Variants in COL19A1 observed in about 807,000 individuals in gnomAD.
COL19A1 encodes the protein collagen alpha-1(XIX) chain.
A neutral mutation model predicts 190.2 loss-of-function variants in COL19A1; 159 were observed. The ratio of observed to expected loss-of-function variants is 0.84; its 90% CI spans 0.73 to 0.95. The LOEUF is 0.95. Among genes scored for constraint, COL19A1 ranks in the 40% least tolerant of loss-of-function variants. The pLI is 0.00. For missense variants in COL19A1, 1,418 were observed against 1,431.9 expected (o/e 0.99, Z 0.16); for synonymous variants, 509 against 458.9 (o/e 1.11, Z -1.39).
intron 16 of COL19A1, among the ~76,000 whole-genome samples, chr6:70,113,795 C>T (rs1369790646): frequency 6.6e-6 from 1 of 151,408 alleles, no homozygotes; most frequent in Non-Finnish European, 1.5e-5. Flanking sequence ...TACCCCTCTC[C>T]CATTCTGGTC....
In COL19A1 at chr6:70,151,437, A is replaced by G. The variant is rs781496635; in HGVS notation, c.2078A>G (p.Lys693Arg). 5 of 1,612,528 alleles carry G rather than the reference A, an allele frequency of 3.1e-6. No homozygotes were observed. In the Admixed American group the frequency reaches 5.0e-5, roughly 16 times the overall value. The change falls in exon 31 of 51, where the codon AAG becomes AGG. Residue 693 changes from lysine to arginine, a missense_variant and splice_region_variant. By Grantham distance (26) the Lys-to-Arg change is conservative (BLOSUM62 2). Transcript: ENST00000620364. ...PLLGDIGALLKNFCGNCQASV... is the reference protein window; with the variant it reads ...PLLGDIGALLRNFCGNCQASV... ...TTGGGAGACATCGGTGCTTTGCTCA[A>G]GGTACTCTATTGCTATGTAAGAAAT... is the stretch of plus-strand genomic sequence containing the variant.
chr6:70,143,766 AC>A (rs1472418386), intron 23 of COL19A1, among the ~76,000 whole-genome samples: 2 of 152,046 alleles, frequency 1.3e-5, no homozygotes, highest in East Asian at 3.9e-4. Flanking sequence ...TCCTGGTGGC[AC>A]AAGTGGAGCC....
intron 4 of COL19A1, among the ~76,000 whole-genome samples, chr6:69,926,135 T>G (rs948881110): frequency 6.6e-6 from 1 of 152,042 alleles, no homozygotes; most frequent in Admixed American, 6.6e-5. Flanking sequence ...TGAATAGGAG[T>G]GGTGAGAGAG....
intron 15 of COL19A1, among the ~76,000 whole-genome samples, chr6:70,095,470 A>G (rs1783193840): frequency 6.6e-6 from 1 of 152,154 alleles, no homozygotes; most frequent in Non-Finnish European, 1.5e-5. Flanking sequence ...AGGAACTAAT[A>G]TTTATTAGAA....
At chr6:69,876,877 G>A (rs1768161667) in intron 1 of COL19A1, among the ~76,000 whole-genome samples, 1 of 152,128 alleles carries the variant, frequency 6.6e-6, no homozygotes, top group East Asian at 1.9e-4. Flanking sequence ...CTAGATGAGA[G>A]AATTCAAAAG....
intron 15 of COL19A1, among the ~76,000 whole-genome samples, chr6:70,070,062 C>T (rs1265566395): frequency 6.6e-6 from 1 of 152,126 alleles, no homozygotes; most frequent in African/African-American, 2.4e-5. Context: ...GTGTGACAAT[C>T]AAATCATGTA....
intron 15 of COL19A1, among the ~76,000 whole-genome samples, chr6:70,101,589 G>A (rs972751037): frequency 1.3e-5 from 2 of 152,118 alleles, no homozygotes; most frequent in African/African-American, 4.8e-5. Flanking sequence ...TTCAGTATAT[G>A]TAATTACAAT....
At chr6:70,007,814 A>G (rs975108306) in intron 11 of COL19A1, among the ~76,000 whole-genome samples, 2 of 151,998 alleles carry the variant, frequency 1.3e-5, no homozygotes, top group Non-Finnish European at 2.9e-5. Flanking sequence ...AAGATAGACT[A>G]TATTCTCCAT....
At chr6:69,907,189 G>A (rs1770615094) in intron 4 of COL19A1, among the ~76,000 whole-genome samples, 1 of 150,194 alleles carries the variant, frequency 6.7e-6, no homozygotes, top group Admixed American at 6.6e-5. Flanking sequence ...GAGTGCAGTG[G>A]CACCATCTCG....
intron 4 of COL19A1, among the ~76,000 whole-genome samples, chr6:69,912,551 A>G (rs1771012204): frequency 6.6e-6 from 1 of 152,168 alleles, no homozygotes; most frequent in Admixed American, 6.5e-5. Flanking sequence ...CTACTCTGTG[A>G]GACCCAACCA....
At chr6:70,021,108 A>G (rs1483520215) in intron 11 of COL19A1, among the ~76,000 whole-genome samples, 1 of 152,138 alleles carries the variant, frequency 6.6e-6, no homozygotes, top group Non-Finnish European at 1.5e-5. Flanking sequence ...AATAAATCAA[A>G]TAAATTTTAA....
intron 11 of COL19A1, among the ~76,000 whole-genome samples, chr6:69,979,217 C>A (rs1294656860): frequency 6.6e-6 from 1 of 151,782 alleles, no homozygotes; most frequent in African/African-American, 2.4e-5. Context: ...AATGTTAATA[C>A]TAAATCTAAT....
At chr6:70,140,875 T>G (rs1786203908) in intron 19 of COL19A1, 79 bp from the exon 20 acceptor site, 8 of 1,370,308 alleles carry the variant, frequency 5.8e-6, no homozygotes, top group Non-Finnish European at 8.3e-6. Context: ...GAGTTTGGCC[T>G]ATAGGGTTTA....
chr6:69,928,024 A>T lies in COL19A1; in HGVS notation c.382A>T (p.Ile128Phe). 6.2e-7 allele frequency: 1 copy of T among 1,613,006 alleles called. No individual in the cohort carries two copies. Among genetic ancestry groups the T allele is most frequent in the Non-Finnish European group, 8.5e-7 (1 of 1,179,360 alleles). Reference sequence around the variant, plus strand: ...GTGGCAGGTTTTAAACCAGCAGAATATTCCACAGGTAAAGTACCATTAGAG... The same window carrying T: ...GTGGCAGGTTTTAAACCAGCAGAATTTTCCACAGGTAAAGTACCATTAGAG... ...FLWQVLNQQN[I>F]PQISIVVDGG... The change falls in exon 5 of 51, where the codon ATT (isoleucine) becomes TTT (phenylalanine). Residue 128 changes from isoleucine (I) to phenylalanine (F), a missense_variant. Transcript: ENST00000620364.
chr6:70,195,136 G>GAGATATAT (rs1554226200), intron 48 of COL19A1, among the ~76,000 whole-genome samples: 1 of 136,030 alleles, frequency 7.4e-6, no homozygotes, highest in African/African-American at 2.7e-5. Context: ...CATCATTGAT[G>GAGATATAT]ATATATATAT....
intron 14 of COL19A1, among the ~76,000 whole-genome samples, chr6:70,043,428 G>A (rs903942224): frequency 6.6e-6 from 1 of 152,048 alleles, no homozygotes; most frequent in Non-Finnish European, 1.5e-5. Context: ...TCCTGACCTC[G>A]TGATCTGCCC....
intron 9 of COL19A1, among the ~76,000 whole-genome samples, chr6:69,950,858 A>C (rs1241239721): frequency 6.6e-6 from 1 of 151,890 alleles, no homozygotes; most frequent in South Asian, 2.1e-4. Context: ...TTCAAACAAA[A>C]AAGTGCCTCA....
At chr6:70,168,276 C>A (rs2150268865) in intron 39 of COL19A1, 61 bp downstream of exon 39, 3 of 1,535,554 alleles carry the variant, frequency 2.0e-6, no homozygotes, top group Non-Finnish European at 2.7e-6. Flanking sequence ...GAAAAACAAA[C>A]AATAAAAACC....
At chr6:70,112,910 G>A (rs1307812110) in intron 16 of COL19A1, among the ~76,000 whole-genome samples, 1 of 152,166 alleles carries the variant, frequency 6.6e-6, no homozygotes, top group African/African-American at 2.4e-5. Flanking sequence ...GACAAGCCCA[G>A]CTCAAGTGAA....
Sources: allele counts gnomAD v4.1 joint callset (sites outside exome capture counted in the v4.1 genomes callset), GRCh38; gene constraint gnomAD v4.1.1; transcripts MANE v1.5; gene names NCBI Gene and HGNC (gene_info 2026-07-23, HGNC 2026-07-21).